ILDR2: variants seen among roughly 807,000 people sequenced by gnomAD.
The protein encoded by ILDR2 is immunoglobulin like domain containing receptor 2, also known as immunoglobulin-like domain-containing receptor 2.
In ILDR2, 25 loss-of-function variants were observed where a neutral mutation model predicts 66.8. That is an observed-to-expected ratio of 0.37 (90% CI 0.27 to 0.52). The LOEUF (loss-of-function observed/expected upper bound fraction) is 0.52. ILDR2 is among the 20% of genes least tolerant of loss of function. The pLI, the probability that ILDR2 is intolerant of heterozygous loss-of-function variation, is 0.88. For synonymous variants in ILDR2, 367 were observed against 357.2 expected (o/e 1.03, Z -0.31); for missense variants, 827 against 876.8 (o/e 0.94, Z 0.72).
intron 2 of ILDR2, among the ~76,000 whole-genome samples, chr1:166,897,164 A>G (rs1266428305): frequency 6.6e-6 from 1 of 152,186 alleles, no homozygotes; most frequent in Non-Finnish European, 1.5e-5. Context: ...ACCAGTTAAG[A>G]GGCTATTGCT....
rs968370623 is a variant in ILDR2 at position 166,927,008 on chromosome 1, C to T, written c.994+59G>A. 1.0e-5 allele frequency: 13 copies of T among 1,248,394 alleles called. No individual in the cohort carries two copies. In the East Asian group the frequency reaches 1.5e-4, roughly 14 times the overall value. 77.3% of individuals were successfully genotyped at this position (1,248,394 alleles called of 1,614,324 possible). A position where few individuals can be genotyped will look rare whatever the true frequency, so the allele number is the denominator to read the frequency against. The stretch of plus-strand genomic sequence containing the variant: ...GCCCAAGTTTGGTGACCCCCAAATC[C>T]CCTTTACACACTAACTCCTGCATAA... On this transcript the variant is annotated intron_variant, in intron 7 of 9. Coordinates refer to ENST00000271417, the MANE Select transcript of ILDR2 (RefSeq NM_199351.3).
intron 1 of ILDR2, among the ~76,000 whole-genome samples, chr1:166,965,635 C>A (rs1313634835): frequency 6.8e-6 from 1 of 147,962 alleles, no homozygotes. Flanking sequence ...TGCAGTGGCA[C>A]CACCTTGGCT....
rs1659732428 is a variant in ILDR2, at chr1:166,918,639, A to T, written c.*716T>A. 6.6e-6 allele frequency: 1 copy of T among 152,252 alleles called. No individual in the cohort carries two copies. Among genetic ancestry groups the T allele is most frequent in the African/African-American group, 2.4e-5 (1 of 41,460 alleles). 9.4% of individuals were successfully genotyped at this position (152,252 alleles called of 1,614,324 possible). A position where few individuals can be genotyped will look rare whatever the true frequency, so the allele number is the denominator to read the frequency against. ...TCCGATATTGACATGTGCAGCAGAA[A>T]AGGAAAAAGCAGTTTACGTTCTCAG... On this transcript the variant is annotated 3_prime_UTR_variant, in exon 10 of 10. Transcript: ENST00000271417.
intron 8 of ILDR2, among the ~76,000 whole-genome samples, chr1:166,922,274 T>TG (rs991593374): frequency 6.6e-6 from 1 of 151,534 alleles, no homozygotes; most frequent in African/African-American, 2.4e-5. Flanking sequence ...AAAAAAAAGA[T>TG]GGAGATGATG....
In ILDR2 at chr1:166,936,546, C is replaced by T. The variant is rs1317031766; in HGVS notation, c.703+45G>A. The T allele has an allele frequency of 6.2e-7, 1 of 1,613,112 alleles. No individual in the cohort carries two copies. The highest frequency in any genetic ancestry group is 2.2e-5 in the East Asian group (1 of 44,866). ...CACAGCTGTCAGGTAGAGAGGTAGA[C>T]ATTTCTCTCGATCGCTCTGTCTCCC... is the stretch of plus-strand genomic sequence containing the variant. On this transcript the variant is annotated intron_variant, in intron 5 of 9. Transcript: ENST00000271417. The surrounding 1 kb of genome is among the most constrained non-coding windows in gnomAD (Gnocchi z 5.0).
chr1:166,946,417 A>G (rs1295348933), intron 3 of ILDR2, among the ~76,000 whole-genome samples: 2 of 152,236 alleles, frequency 1.3e-5, no homozygotes, highest in African/African-American at 4.8e-5. Context: ...ACCGAATTCT[A>G]TCCATAAAAT....
At chr1:166,930,192 C>T (rs1571127145) in intron 6 of ILDR2, among the ~76,000 whole-genome samples, 1 of 152,116 alleles carries the variant, frequency 6.6e-6, no homozygotes, top group African/African-American at 2.4e-5. Context: ...TTTTCTATGT[C>T]ATTATAACAA....
rs1553224633 is a variant in ILDR2, at chr1:166,909,750, T to TATAAAA, written c.*9604_*9605insTTTTAT. 7.4e-5 allele frequency: 8 copies of TATAAAA among 108,016 alleles called. No individual in the cohort carries two copies. The highest frequency in any genetic ancestry group is 2.0e-4 in the African/African-American group (5 of 24,544). 6.7% of individuals were successfully genotyped at this position (108,016 alleles called of 1,614,324 possible). ...GTGTATACATACATATATATATATA[T>TATAAAA]ATATATATAAATATATATAAATATA... On this transcript the variant is annotated 3_prime_UTR_variant, in exon 10 of 10. Transcript: ENST00000271417.
At chr1:166,922,507 G>A (rs1660010810) in intron 8 of ILDR2, 86 bp downstream of exon 8, 2 of 969,596 alleles carry the variant, frequency 2.1e-6, no homozygotes, top group Non-Finnish European at 3.3e-6. Flanking sequence ...GATGCTACTG[G>A]ATGGCATCTT....
At chr1:166,920,535 GC>G in intron 9 of ILDR2, 171 bp downstream of exon 9, 1 of 328,992 alleles carries the variant, frequency 3.0e-6, no homozygotes, top group Non-Finnish European at 4.4e-6. Flanking sequence ...GGCTGAAAAA[GC>G]CCCCGGCCTA....
chr1:166,936,222 G>T lies in ILDR2; in HGVS notation c.703+369C>A, dbSNP rs563536425. ...TTCTCATATAAAAAGGAACTTCTCT[G>T]CATGGGAAGGGAACGACCAGAGAAG... On this transcript the variant is annotated intron_variant, in intron 5 of 9. Transcript: ENST00000271417. This position sits in a 1 kb window ranked among gnomAD's most constrained non-coding sequence, Gnocchi z 5.0. Among the ~76,000 whole-genome samples, 2 of 152,134 alleles carry T rather than the reference G, an allele frequency of 1.3e-5. No homozygotes were observed. The highest frequency in any genetic ancestry group is 4.8e-5 in the African/African-American group (2 of 41,406).
At chr1:166,939,480 A>G in intron 4 of ILDR2, 34 bp downstream of exon 4, 1 of 1,580,488 alleles carries the variant, frequency 6.3e-7, no homozygotes, top group East Asian at 2.2e-5. Context: ...AATAACAGCA[A>G]ATCAAGCAAA....
intron 2 of ILDR2, among the ~76,000 whole-genome samples, chr1:166,902,814 T>A (rs1039914277): frequency 2.0e-5 from 3 of 152,238 alleles, no homozygotes; most frequent in African/African-American, 4.8e-5. Context: ...AAGCATCCTA[T>A]CCTACCCTGC....
chr1:166,957,377 C>T (rs896152546), intron 2 of ILDR2, among the ~76,000 whole-genome samples: 5 of 152,114 alleles, frequency 3.3e-5, no homozygotes, highest in Non-Finnish European at 7.4e-5. Context: ...GTCCCTTCTC[C>T]CAGCAAAAAA....
intron 3 of ILDR2, among the ~76,000 whole-genome samples, chr1:166,947,562 G>A (rs1661700469): frequency 1.3e-5 from 2 of 152,170 alleles, no homozygotes; most frequent in African/African-American, 4.8e-5. Flanking sequence ...AGAAAAATGG[G>A]ACAACTGTCT....
intron 3 of ILDR2, among the ~76,000 whole-genome samples, chr1:166,955,234 T>C (rs1182626767): frequency 6.6e-6 from 1 of 152,218 alleles, no homozygotes; most frequent in Non-Finnish European, 1.5e-5. Flanking sequence ...ACTTTATATA[T>C]TGGACCCAAA....
At chr1:166,949,122 G>A (rs1661819829) in intron 3 of ILDR2, among the ~76,000 whole-genome samples, 1 of 152,196 alleles carries the variant, frequency 6.6e-6, no homozygotes, top group Non-Finnish European at 1.5e-5. Flanking sequence ...TTTCTATCTG[G>A]AGCCAGATAA....
At chr1:166,943,800 C>T in intron 3 of ILDR2, 1 of 984,334 alleles carries the variant, frequency 1.0e-6, no homozygotes, top group Non-Finnish European at 1.2e-6. Flanking sequence ...TGTCATTCTT[C>T]CAGGATTCAG....
At chr1:166,935,257 G>A (rs773755692) in intron 6 of ILDR2, 44 bp downstream of exon 6, 2 of 1,595,870 alleles carry the variant, frequency 1.3e-6, no homozygotes, top group Non-Finnish European at 1.7e-6. Context: ...CCACTGTGGG[G>A]GCCCGAGACA....
Sources: gnomAD v4.1 joint callset for allele counts (sites outside exome capture counted in the v4.1 genomes callset) on GRCh38, gnomAD v4.1.1 for gene constraint, Gnocchi (gnomAD v3.1) non-coding constraint, MANE v1.5 for transcripts, NCBI Gene and HGNC (gene_info 2026-07-23, HGNC 2026-07-21) for gene names.